The following PM20D2 variants were observed in gnomAD, a reference collection of about 807,000 sequenced individuals.
The protein encoded by PM20D2 is peptidase M20 domain containing 2.
A neutral mutation model predicts 42.9 loss-of-function variants in PM20D2; 33 were observed. That is an observed-to-expected ratio of 0.77 (90% CI 0.58 to 1.03). PM20D2 has a LOEUF of 1.03. PM20D2 is among the 50% of genes least tolerant of loss of function. The pLI is 0.00. For synonymous variants in PM20D2, 250 were observed against 228.2 expected, an observed-to-expected ratio of 1.10 and a Z score of -0.86; for missense variants, 548 against 557.0, an observed-to-expected ratio of 0.98 and a Z score of 0.16.
chr6:89,118,025 G>T, the PM20D2 span: 1 of 860,404 alleles, frequency 1.2e-6, no homozygotes, highest in Non-Finnish European at 1.7e-6. Context: ...CCGCCAGCGC[G>T]CAGCCGCAGA....
In PM20D2 at chr6:89,163,872, G is replaced by C. The variant is rs1007784784; in HGVS notation, c.*1609G>C. The C allele has an allele frequency of 1.3e-5, 2 of 152,004 alleles. No individual in the cohort carries two copies. Among genetic ancestry groups the C allele is most frequent in the African/African-American group, 2.4e-5 (1 of 41,364 alleles). 9.4% of individuals were successfully genotyped at this position (152,004 alleles called of 1,614,324 possible). ...AACTCTTGGCTATGTTAAATTTGTA[G>C]ACTTTAAAAGATGTTATCTAAATTA... On this transcript the variant is annotated 3_prime_UTR_variant, in exon 7 of 7. Transcript: ENST00000275072.
the PM20D2 span, among the ~76,000 whole-genome samples, chr6:89,125,740 A>G: frequency 1.3e-5 from 2 of 150,282 alleles, no homozygotes; most frequent in South Asian, 2.1e-4. Context: ...CCAAGGTCGC[A>G]CCATTGCACT....
chr6:89,094,212 C>G, the PM20D2 span, among the ~76,000 whole-genome samples: 2 of 151,572 alleles, frequency 1.3e-5, no homozygotes, highest in Non-Finnish European at 2.9e-5. Context: ...TCAGCCACCG[C>G]ACCGGCCTCT....
At chr6:89,128,376 A>T in the PM20D2 span, among the ~76,000 whole-genome samples, 1 of 152,066 alleles carries the variant, frequency 6.6e-6, no homozygotes, top group African/African-American at 2.4e-5. Context: ...AGAAAACTCC[A>T]CCCTGGTAAA....
At chr6:89,133,204 G>C in the PM20D2 span, among the ~76,000 whole-genome samples, 3 of 150,366 alleles carry the variant, frequency 2.0e-5, no homozygotes, top group Non-Finnish European at 2.9e-5. Flanking sequence ...ACTCCAACCT[G>C]GGCAACAGAG....
intron 3 of PM20D2, 23 bp downstream of exon 3, chr6:89,153,208 A>G (rs369212888): frequency 1.3e-6 from 2 of 1,541,636 alleles, no homozygotes; most frequent in Admixed American, 2.0e-5. Context: ...AATACCTTCT[A>G]TAATAGATGG....
the PM20D2 span, among the ~76,000 whole-genome samples, chr6:89,094,475 G>A: frequency 1.0e-4 from 15 of 149,836 alleles, no homozygotes; most frequent in East Asian, 1.2e-3. Flanking sequence ...CCCACCCCCC[G>A]GAACCTCCCA....
At chr6:89,098,060 T>C in the PM20D2 span, 2 of 152,934 alleles carry the variant, frequency 1.3e-5, no homozygotes, top group African/African-American at 2.4e-5. Context: ...TCTATATATA[T>C]TCTACTTTTT....
intron 5 of PM20D2, among the ~76,000 whole-genome samples, chr6:89,158,936 TAGAG>T (rs1332233506): frequency 6.6e-6 from 1 of 152,152 alleles, no homozygotes; most frequent in East Asian, 1.9e-4. Context: ...ATTTGCAAGT[TAGAG>T]ATGTATCATC....
the PM20D2 span, among the ~76,000 whole-genome samples, chr6:89,117,515 G>T: frequency 1.3e-5 from 2 of 152,312 alleles, no homozygotes; most frequent in East Asian, 1.9e-4. Flanking sequence ...ACCTGAGCTC[G>T]GGAGAGGGGC....
the PM20D2 span, among the ~76,000 whole-genome samples, chr6:89,120,732 C>T: frequency 5.5e-3 from 829 of 152,080 alleles, 11 homozygotes; most frequent in African/African-American, 0.019. Context: ...AATTAGCCAA[C>T]CATGGTGGCA....
intron 2 of PM20D2, 123 bp downstream of exon 2, chr6:89,149,536 C>A: frequency 8.2e-7 from 1 of 1,217,642 alleles, no homozygotes; most frequent in African/African-American, 1.5e-5. Flanking sequence ...AAGACAATAA[C>A]AAGATGTCTT....
intron 2 of PM20D2, among the ~76,000 whole-genome samples, chr6:89,151,028 G>A (rs375254981): frequency 2.5e-4 from 38 of 151,486 alleles, no homozygotes; most frequent in Non-Finnish European, 4.4e-4. Context: ...GTGGGCACCT[G>A]TAATCCCAGC....
chr6:89,110,537 G>A, the PM20D2 span, among the ~76,000 whole-genome samples: 2 of 152,146 alleles, frequency 1.3e-5, no homozygotes. Flanking sequence ...TTGTAGGAGG[G>A]GACCAGTCAG....
At chr6:89,107,109 C>T in the PM20D2 span, 98 of 1,395,644 alleles carry the variant, frequency 7.0e-5, no homozygotes, top group South Asian at 1.3e-4. Flanking sequence ...TGTATAAGCA[C>T]GCATATACAG....
chr6:89,104,786 C>T, the PM20D2 span, among the ~76,000 whole-genome samples: 1 of 152,110 alleles, frequency 6.6e-6, no homozygotes, highest in Non-Finnish European at 1.5e-5. Context: ...GGTGCAGTGG[C>T]TCACACCTGT....
the PM20D2 span, among the ~76,000 whole-genome samples, chr6:89,117,670 A>C: frequency 6.6e-6 from 1 of 151,720 alleles, no homozygotes; most frequent in African/African-American, 2.4e-5. Flanking sequence ...GAGTAGTCCG[A>C]GGGCTCACAC....
chr6:89,103,554 C>T, the PM20D2 span, among the ~76,000 whole-genome samples: 1 of 152,108 alleles, frequency 6.6e-6, no homozygotes, highest in Non-Finnish European at 1.5e-5. Flanking sequence ...GTCTCGAACT[C>T]CTGACCTCAG....
chr6:89,104,510 A>ATAAGTG, the PM20D2 span, among the ~76,000 whole-genome samples: 1 of 152,058 alleles, frequency 6.6e-6, no homozygotes, highest in African/African-American at 2.4e-5. Flanking sequence ...TGCTGGGATC[A>ATAAGTG]TAAGTGTGAG....
Sources: gnomAD v4.1 joint callset for allele counts (sites outside exome capture counted in the v4.1 genomes callset) on GRCh38, gnomAD v4.1.1 for gene constraint, MANE v1.5 for transcripts, NCBI Gene and HGNC (gene_info 2026-07-23, HGNC 2026-07-21) for gene names.